Variants in WNT4 observed in about 807,000 individuals in gnomAD.
WNT4 encodes Wnt family member 4, also known as protein Wnt-4.
WNT4 carries 16 observed loss-of-function variants against 34.5 expected under a neutral mutation model. That is an observed-to-expected ratio of 0.46 (90% CI 0.31 to 0.70). The LOEUF is 0.70. Ranked by LOEUF, WNT4 falls within the 30% of genes least tolerant of loss-of-function variation. The pLI is 0.04. For synonymous variants in WNT4, 200 were observed against 211.9 expected, an observed-to-expected ratio of 0.94 and a Z score of 0.49; for missense variants, 379 against 495.9, an observed-to-expected ratio of 0.76 and a Z score of 2.24.
At chr1:22,122,990 C>T (rs780030688) in intron 2 of WNT4, among the ~76,000 whole-genome samples, 9 of 152,328 alleles carry the variant, frequency 5.9e-5, no homozygotes, top group East Asian at 1.9e-4. Context: ...GGAGCAATGG[C>T]GCCTCGACAG....
chr1:22,127,783 G>A (rs1445003545), intron 2 of WNT4, among the ~76,000 whole-genome samples: 1 of 152,184 alleles, frequency 6.6e-6, no homozygotes, highest in African/African-American at 2.4e-5. Context: ...AAATCCCACA[G>A]CAAGAACAAA....
chr1:22,129,803 C>T lies in WNT4; in HGVS notation c.126G>A (p.Thr42=), dbSNP rs779327911. The T allele has an allele frequency of 1.4e-5, 23 of 1,613,926 alleles. No individual in the cohort carries two copies. Among genetic ancestry groups the T allele is most frequent in the African/African-American group, 5.3e-5 (4 of 74,930 alleles). Residue 42 remains threonine, a synonymous_variant, in exon 2 of 5, where the codon ACG becomes ACA. Transcript: ENST00000290167. ...SSVGSISEEE[T]CEKLKGLIQR... ...GGATCAGGCCCTTGAGTTTCTCGCACGTCTCCTCCTCTGAGATGCTCCCCA... is the reference window on the plus strand; with the variant it reads ...GGATCAGGCCCTTGAGTTTCTCGCATGTCTCCTCCTCTGAGATGCTCCCCA...
At chr1:22,127,155 A>C (rs1391925647) in intron 2 of WNT4, 2 of 396,202 alleles carry the variant, frequency 5.0e-6, no homozygotes, top group Non-Finnish European at 5.3e-6. Flanking sequence ...GCCGAGTGTG[A>C]CTGGCTTAGT....
In WNT4 at chr1:22,121,194, G is replaced by T. The variant is rs201568271; in HGVS notation, c.588+17C>A. 1 of 1,613,736 alleles carries T rather than the reference G, an allele frequency of 6.2e-7. No homozygotes were observed. The highest frequency in any genetic ancestry group is 8.5e-7 in the Non-Finnish European group (1 of 1,179,982). On this transcript the variant is annotated intron_variant, in intron 4 of 4. Transcript: ENST00000290167. Reference sequence around the variant, plus strand: ...CTATCCCTACCCCGCTCTTGGTGGGGGGTAGTGCCACACTACCTTCCTGCC... The same window carrying T: ...CTATCCCTACCCCGCTCTTGGTGGGTGGTAGTGCCACACTACCTTCCTGCC...
In WNT4 at chr1:22,129,390, G is replaced by A. The variant is rs115085836; in HGVS notation, c.313+226C>T. Among the ~76,000 whole-genome samples, 1,777 of 152,294 alleles carry A rather than the reference G, an allele frequency of 0.012. 44 individuals are homozygous for A. The highest frequency in any genetic ancestry group is 0.04 in the African/African-American group (1,652 of 41,556). ...AGTGCTGCCTCAACACAGAGCTGCC[G>A]CCTCTTCTGATGGCCCCCATCCCAC... On this transcript the variant is annotated intron_variant, in intron 2 of 4. Transcript: ENST00000290167.
Position 22,119,921 on chromosome 1 carries a change from A to C in WNT4, c.*129T>G. 1 of 1,181,224 alleles carries C rather than the reference A, an allele frequency of 8.5e-7. No individual in the cohort carries two copies. 73.2% of individuals were successfully genotyped at this position (1,181,224 alleles called of 1,614,324 possible). A position where few individuals can be genotyped will look rare whatever the true frequency, so the allele number is the denominator to read the frequency against. On this transcript the variant is annotated 3_prime_UTR_variant, in exon 5 of 5. Transcript: ENST00000290167. ...CCTGGTTTCGGCAATAAATAACATG[A>C]GGACCCAAAAACCAAACCAGAACAA...
At chr1:22,131,133 CT>C (rs1645980804) in intron 1 of WNT4, among the ~76,000 whole-genome samples, 1 of 152,252 alleles carries the variant, frequency 6.6e-6, no homozygotes. Flanking sequence ...CTCTGTGTGG[CT>C]CAAAGACTAG....
rs1646057619 is a variant in WNT4 at position 22,140,457 on chromosome 1, G to A, written c.77+2389C>T. On this transcript the variant is annotated intron_variant, in intron 1 of 4. Transcript: ENST00000290167. This position sits in a 1 kb window ranked among gnomAD's most constrained non-coding sequence, Gnocchi z 5.9. ...CAGTCTTCAGACCAAGTCCCCCTCT[G>A]TGCCTGCTCGGGCTCACACTCAGCT... 6.6e-6 allele frequency among the ~76,000 whole-genome samples: 1 copy of A among 152,190 alleles called. No homozygotes were observed. Among genetic ancestry groups the A allele is most frequent in the Non-Finnish European group, 1.5e-5 (1 of 68,032 alleles).
At position 22,119,207 on chromosome 1, in the gene WNT4, TG is replaced by T. The variant is rs1465289198; in HGVS notation, c.*842del. On this transcript the variant is annotated 3_prime_UTR_variant, in exon 5 of 5. Coordinates refer to ENST00000290167, the MANE Select transcript of WNT4 (RefSeq NM_030761.5). ...GTGTCCGTGTGTGTGTGTGTGTGTGTGTGTGTGTGTGTGTGTGTGTGTTTCA... is the reference window on the plus strand; with the variant it reads ...GTGTCCGTGTGTGTGTGTGTGTGTGTTGTGTGTGTGTGTGTGTGTGTTTCA... 3.8e-4 allele frequency: 49 copies of T among 128,344 alleles called. 1 individual carries two copies. The South Asian group carries it at 0.01, about 26-fold the overall frequency. The allele number at this position is 128,344 out of a possible 1,614,324, so 8.0% of individuals were successfully genotyped here. A position where few individuals can be genotyped will look rare whatever the true frequency, so the allele number is the denominator to read the frequency against.
intron 1 of WNT4, among the ~76,000 whole-genome samples, chr1:22,133,253 C>G (rs1413567801): frequency 2.6e-5 from 4 of 152,142 alleles, no homozygotes; most frequent in African/African-American, 9.7e-5. Context: ...ATGGAGGGCT[C>G]TGTCCTGACG....
chr1:22,126,311 T>G (rs1645940105), intron 2 of WNT4, among the ~76,000 whole-genome samples: 1 of 152,162 alleles, frequency 6.6e-6, no homozygotes, highest in African/African-American at 2.4e-5. Flanking sequence ...TGGGGGTCAG[T>G]TAGCTCTTCC....
chr1:22,133,214 G>T (rs904805510), intron 1 of WNT4, among the ~76,000 whole-genome samples: 4 of 152,122 alleles, frequency 2.6e-5, no homozygotes, highest in Non-Finnish European at 4.4e-5. Context: ...ACAGTGCATA[G>T]AAGGTGTTTA....
At chr1:22,129,982 C>T (rs970929701) in intron 1 of WNT4, 131 bp from the exon 2 acceptor site, 2 of 1,058,408 alleles carry the variant, frequency 1.9e-6, no homozygotes, top group Non-Finnish European at 2.9e-6. Context: ...GCCGACTTCT[C>T]TCTGGATCCA....
rs1412075938 is a variant in WNT4 at position 22,134,041 on chromosome 1, A to G, written c.78-4190T>C. Among the ~76,000 whole-genome samples the G allele has an allele frequency of 6.6e-6, 1 of 152,258 alleles. No homozygotes were observed. The highest frequency in any genetic ancestry group is 1.5e-5 in the Non-Finnish European group (1 of 68,044). ...CCTCCCAGCTCTTACGCTGTGAGTC[A>G]AGAGGAGAGGGGACGGGAAATAGCT... On this transcript the variant is annotated intron_variant, in intron 1 of 4. Coordinates refer to ENST00000290167, the MANE Select transcript of WNT4 (RefSeq NM_030761.5). The surrounding 1 kb of genome is among the most constrained non-coding windows in gnomAD (Gnocchi z 4.1).
rs1645859190 is a variant in WNT4 at position 22,117,522 on chromosome 1, C to G, written c.*2528G>C. ...TTTGGGCAGGATGTGGACCCTCTGG[C>G]CAATTTCCAGGCCACGGTGAGGCCA... On this transcript the variant is annotated 3_prime_UTR_variant, in exon 5 of 5. Coordinates refer to ENST00000290167, the MANE Select transcript of WNT4 (RefSeq NM_030761.5). 2 of 152,314 alleles carry G rather than the reference C, an allele frequency of 1.3e-5. No homozygotes were observed. The highest frequency in any genetic ancestry group is 4.8e-5 in the African/African-American group (2 of 41,428). 9.4% of individuals were successfully genotyped at this position (152,314 alleles called of 1,614,324 possible). A position where few individuals can be genotyped will look rare whatever the true frequency, so the allele number is the denominator to read the frequency against.
At chr1:22,127,838 G>A (rs946581892) in intron 2 of WNT4, among the ~76,000 whole-genome samples, 1 of 152,240 alleles carries the variant, frequency 6.6e-6, no homozygotes, top group Non-Finnish European at 1.5e-5. Context: ...TGTCGTGGAG[G>A]AGGGAACTGC....
At position 22,131,875 on chromosome 1, in the gene WNT4, G is replaced by A. The variant is rs142046105; in HGVS notation, c.78-2024C>T. Among the ~76,000 whole-genome samples, 121 of 152,346 alleles carry A rather than the reference G, an allele frequency of 7.9e-4. 2 individuals carry two copies. In the East Asian group the frequency reaches 0.017, roughly 22 times the overall value. On this transcript the variant is annotated intron_variant, in intron 1 of 4. Transcript: ENST00000290167. ...TTCCCAGGGGATGCACAGACTGGTG[G>A]TGTCCTGACAAGGCCCAGGCAGGAG...
In WNT4 at chr1:22,142,335, G is replaced by GC. The variant is rs1209277719; in HGVS notation, c.77+510dup. On this transcript the variant is annotated intron_variant, in intron 1 of 4. Transcript: ENST00000290167. This position sits in a 1 kb window ranked among gnomAD's most constrained non-coding sequence, Gnocchi z 6.0. ...TCCCTTCCTTCTGTCTCCGGCTCCC[G>GC]CCCCCCAAGCAGAAACAGGTCCCTG... is the stretch of plus-strand genomic sequence containing the variant. 2.6e-5 allele frequency among the ~76,000 whole-genome samples: 4 copies of GC among 151,956 alleles called. No individual in the cohort carries two copies. Among genetic ancestry groups the GC allele is most frequent in the African/African-American group, 7.3e-5 (3 of 41,354 alleles).
chr1:22,125,816 T>C (rs1417594742), intron 2 of WNT4, among the ~76,000 whole-genome samples: 4 of 152,312 alleles, frequency 2.6e-5, no homozygotes, highest in African/African-American at 9.6e-5. Context: ...GGCACACCTT[T>C]GCCAGGCGCT....
Sources: allele counts gnomAD v4.1 joint callset (sites outside exome capture counted in the v4.1 genomes callset), GRCh38; gene constraint gnomAD v4.1.1; non-coding constraint Gnocchi (gnomAD v3.1); transcripts MANE v1.5; gene names NCBI Gene and HGNC (gene_info 2026-07-23, HGNC 2026-07-21).